The following TRDN variants were observed in gnomAD, a reference collection of about 807,000 sequenced individuals.
TRDN encodes the protein triadin in skeletal muscle.
A neutral mutation model predicts 149.7 loss-of-function variants in TRDN; 161 were observed. The observed-to-expected ratio is 1.08, with a 90% CI of 0.95 to 1.23. The LOEUF (loss-of-function observed/expected upper bound fraction) is 1.23, where lower values mean the gene tolerates loss of function less well. Among genes scored for constraint, TRDN ranks in the 50% most tolerant of loss-of-function variants. The pLI, the probability that TRDN is intolerant of heterozygous loss-of-function variation, is 0.00. For missense variants in TRDN, 896 were observed against 823.5 expected (o/e 1.09, Z -1.08); for synonymous variants, 294 against 250.5 (o/e 1.17, Z -1.64).
rs1480314025 is a variant in TRDN at position 123,218,483 on chromosome 6, A to G, written c.*118T>C. 4 of 1,270,396 alleles carry G rather than the reference A, an allele frequency of 3.1e-6. No homozygotes were observed. Among genetic ancestry groups the G allele is most frequent in the Non-Finnish European group, 4.3e-6 (4 of 935,986 alleles). 78.7% of individuals were successfully genotyped at this position (1,270,396 alleles called of 1,614,324 possible). Reference sequence around the variant, plus strand: ...CCTTTCCGTCCACACCAGGCCAAAGAGCAAAATGTTTTCACAGAAATTCTC... The same window carrying G: ...CCTTTCCGTCCACACCAGGCCAAAGGGCAAAATGTTTTCACAGAAATTCTC... On this transcript the variant is annotated 3_prime_UTR_variant, in exon 41 of 41. Transcript: ENST00000334268.
chr6:123,602,787 C>G (rs769118167), intron 1 of TRDN, among the ~76,000 whole-genome samples: 10 of 152,160 alleles, frequency 6.6e-5, no homozygotes, highest in Middle Eastern at 3.4e-3. Flanking sequence ...AAAGGAAGCT[C>G]TTGTTATTTC....
intron 24 of TRDN, among the ~76,000 whole-genome samples, chr6:123,301,262 G>A (rs1207096897): frequency 1.3e-5 from 2 of 151,964 alleles, no homozygotes; most frequent in Non-Finnish European, 2.9e-5. Context: ...ATAATATGGA[G>A]GATATGTTGA....
In TRDN at chr6:123,578,868, C is replaced by T. The variant is rs374767679; in HGVS notation, c.23-7736G>A. On this transcript the variant is annotated intron_variant, in intron 1 of 40. Coordinates refer to ENST00000334268, the MANE Select transcript of TRDN (RefSeq NM_006073.4). The stretch of plus-strand genomic sequence containing the variant: ...TCTCATTGTAGAGATCTTTTACCTC[C>T]CTGGTTACATGTACTCCTAGGTGGT... Among the ~76,000 whole-genome samples the T allele has an allele frequency of 4.6e-4, 70 of 152,166 alleles. No individual in the cohort carries two copies. The South Asian group carries it at 0.011, about 24-fold the overall frequency.
chr6:123,505,191 C>T (rs1309688449), intron 7 of TRDN, among the ~76,000 whole-genome samples: 1 of 136,638 alleles, frequency 7.3e-6, no homozygotes, highest in African/African-American at 2.8e-5. Flanking sequence ...TTGCAGTGAG[C>T]CGAGATTGCG....
intron 34 of TRDN, 36 bp from the exon 35 acceptor site, chr6:123,259,698 T>TA: frequency 5.0e-6 from 7 of 1,409,672 alleles, no homozygotes; most frequent in South Asian, 2.6e-5. Flanking sequence ...ACCATCATTT[T>TA]AAAAAACATG....
intron 10 of TRDN, chr6:123,464,319 T>C (rs1776656001): frequency 1.0e-6 from 1 of 983,508 alleles, no homozygotes; most frequent in Non-Finnish European, 1.2e-6. Flanking sequence ...TTATTAGTAG[T>C]ATTAACCACC....
chr6:123,363,284 G>T (rs1170307098), intron 20 of TRDN, among the ~76,000 whole-genome samples: 1 of 152,128 alleles, frequency 6.6e-6, no homozygotes, highest in Non-Finnish European at 1.5e-5. Flanking sequence ...TGGGGATTGG[G>T]TAGTAAATAC....
At chr6:123,478,510 G>T (rs749747330) in intron 9 of TRDN, among the ~76,000 whole-genome samples, 3 of 152,088 alleles carry the variant, frequency 2.0e-5, no homozygotes, top group African/African-American at 7.2e-5. Flanking sequence ...TCATATTTGC[G>T]TATAGGTAAG....
intron 23 of TRDN, among the ~76,000 whole-genome samples, chr6:123,318,019 C>T (rs1358870117): frequency 6.6e-6 from 1 of 151,884 alleles, no homozygotes; most frequent in African/African-American, 2.4e-5. Flanking sequence ...ATATGGCCTG[C>T]AACAATTCAA....
chr6:123,542,045 C>A (rs1467240970), intron 4 of TRDN, among the ~76,000 whole-genome samples: 2 of 152,130 alleles, frequency 1.3e-5, no homozygotes, highest in African/African-American at 4.8e-5. Context: ...AAGAAAAATA[C>A]ACAACGAAAG....
intron 10 of TRDN, among the ~76,000 whole-genome samples, chr6:123,461,823 A>G (rs934677253): frequency 2.0e-5 from 3 of 152,178 alleles, no homozygotes; most frequent in Non-Finnish European, 2.9e-5. Flanking sequence ...CTATAATGTT[A>G]ATATTATAAG....
At chr6:123,398,697 C>T (rs1381717947) in intron 12 of TRDN, among the ~76,000 whole-genome samples, 1 of 152,164 alleles carries the variant, frequency 6.6e-6, no homozygotes. Context: ...ATGGGCATTG[C>T]TTCATTTCAG....
chr6:123,289,016 G>GGT (rs1156862536), intron 24 of TRDN, among the ~76,000 whole-genome samples: 1,871 of 103,974 alleles, frequency 0.018, 9 homozygotes, highest in Middle Eastern at 0.046. Flanking sequence ...AAATGTGGGG[G>GGT]GTGTGTGTGT....
intron 21 of TRDN, chr6:123,350,437 T>TATTTA: frequency 1.7e-6 from 1 of 591,756 alleles, no homozygotes; most frequent in South Asian, 7.6e-5. Flanking sequence ...ATAAAATAAA[T>TATTTA]ATTTAAAGAG....
rs145387585 is a variant in TRDN, at chr6:123,481,105, G to C, written c.853+16088C>G. 2.3e-4 allele frequency among the ~76,000 whole-genome samples: 35 copies of C among 152,130 alleles called. No individual in the cohort carries two copies. The East Asian group carries it at 6.0e-3, about 26-fold the overall frequency. On this transcript the variant is annotated intron_variant, in intron 9 of 40. Coordinates refer to ENST00000334268, the MANE Select transcript of TRDN (RefSeq NM_006073.4). The stretch of plus-strand genomic sequence containing the variant: ...ATGGAACTGGATGATATTTTATCAG[G>C]CCTTACAGTCAGCTTAATGGATACT...
chr6:123,341,105 C>CA (rs778462123), intron 21 of TRDN, among the ~76,000 whole-genome samples: 3 of 150,892 alleles, frequency 2.0e-5, no homozygotes, highest in Non-Finnish European at 3.0e-5. Flanking sequence ...TAAGTAAATA[C>CA]AGAGACAGAA....
In TRDN at chr6:123,557,066, GC is replaced by G. The variant is rs1370008166; in HGVS notation, c.233-8455del. Among the ~76,000 whole-genome samples, 4 of 88,482 alleles carry G rather than the reference GC, an allele frequency of 4.5e-5. 1 individual carries two copies. The highest frequency in any genetic ancestry group is 1.8e-4 in the African/African-American group (4 of 22,144). The allele number at this position is 88,482 out of a possible 152,430, so 58.0% of individuals were successfully genotyped here. A position where few individuals can be genotyped will look rare whatever the true frequency, so the allele number is the denominator to read the frequency against. On this transcript the variant is annotated intron_variant, in intron 2 of 40. Coordinates refer to ENST00000334268, the MANE Select transcript of TRDN (RefSeq NM_006073.4). ...AGCACCTTGTGACCCCCCCACCCCT[GC>G]CCGCCAGAGAATAACCCCCCTTTGA...
intron 14 of TRDN, among the ~76,000 whole-genome samples, chr6:123,384,299 A>T (rs1781827767): frequency 6.6e-6 from 1 of 152,180 alleles, no homozygotes; most frequent in Admixed American, 6.5e-5. Flanking sequence ...TTAAGTTGTC[A>T]GTTAGTTTGA....
chr6:123,386,845 A>T (rs1183978202), intron 14 of TRDN, among the ~76,000 whole-genome samples: 1 of 152,114 alleles, frequency 6.6e-6, no homozygotes, highest in Admixed American at 6.6e-5. Context: ...GAGAGCTGGA[A>T]CCTCTGGCTA....
Sources: gnomAD v4.1 joint callset for allele counts (sites outside exome capture counted in the v4.1 genomes callset) on GRCh38, gnomAD v4.1.1 for gene constraint, MANE v1.5 for transcripts, NCBI Gene and HGNC (gene_info 2026-07-23, HGNC 2026-07-21) for gene names.